UBAP2: variants seen among roughly 807,000 people sequenced by gnomAD.
UBAP2 encodes ubiquitin associated protein 2.
UBAP2 carries 75 observed loss-of-function variants against 139.6 expected under a neutral mutation model. The ratio of observed to expected loss-of-function variants is 0.54; its 90% CI spans 0.45 to 0.65. UBAP2 has a LOEUF of 0.65. Ranked by LOEUF, UBAP2 falls within the 30% of genes least tolerant of loss-of-function variation. The probability of loss-of-function intolerance (pLI) is 0.00; values close to 1 mark genes in which losing one functional copy is unlikely to be tolerated. For synonymous variants in UBAP2, 526 were observed against 526.2 expected (o/e 1.00, Z 0.01); for missense variants, 1,368 against 1,369.6 (o/e 1.00, Z 0.02).
At chr9:33,982,825 G>T (rs777339440) in intron 6 of UBAP2, among the ~76,000 whole-genome samples, 15 of 151,408 alleles carry the variant, frequency 9.9e-5, no homozygotes, top group Admixed American at 5.9e-4. Flanking sequence ...CATCCTAACA[G>T]ATACTCAATC....
At position 33,969,921 on chromosome 9, in the gene UBAP2, CTTTTTTTTT is replaced by C. The variant is rs1173625005; in HGVS notation, c.679+1721_679+1729del. Among the ~76,000 whole-genome samples the C allele has an allele frequency of 1.9e-4, 9 of 46,182 alleles. No individual in the cohort carries two copies. The South Asian group carries it at 4.7e-3, about 24-fold the overall frequency. The allele number at this position is 46,182 out of a possible 152,430, so 30.3% of individuals were successfully genotyped here. On this transcript the variant is annotated intron_variant, in intron 8 of 28. Coordinates refer to ENST00000379238, the MANE Select transcript of UBAP2 (RefSeq NM_001370062.2). ...GCAAACTTAAATACCGTGTATAATTCTTTTTTTTTTTTTTTTTTTTTTTTTTGAGACAGA... is the reference window on the plus strand; with the variant it reads ...GCAAACTTAAATACCGTGTATAATTCTTTTTTTTTTTTTTTTTGAGACAGA...
intron 1 of UBAP2, among the ~76,000 whole-genome samples, chr9:34,029,629 A>C (rs1371381849): frequency 6.6e-6 from 1 of 152,034 alleles, no homozygotes; most frequent in Non-Finnish European, 1.5e-5. Context: ...TGGGCTCAGG[A>C]GTTCGAGACC....
At chr9:34,041,420 G>A (rs1157247803) in intron 1 of UBAP2, among the ~76,000 whole-genome samples, 3 of 133,012 alleles carry the variant, frequency 2.3e-5, no homozygotes, top group East Asian at 2.2e-4. Context: ...AGCCAAGATC[G>A]CACCATTGCA....
At chr9:33,958,163 T>C (rs754924152) in intron 10 of UBAP2, among the ~76,000 whole-genome samples, 2 of 152,120 alleles carry the variant, frequency 1.3e-5, no homozygotes, top group Non-Finnish European at 2.9e-5. Context: ...GGCCTCCCTA[T>C]GTTGCCCAGG....
chr9:34,015,595 G>T lies in UBAP2; in HGVS notation c.99+1455C>A, dbSNP rs572723855. 4.8e-4 allele frequency among the ~76,000 whole-genome samples: 73 copies of T among 152,176 alleles called. 1 individual carries two copies. The South Asian group carries it at 0.014, about 30-fold the overall frequency. ...GTCCACCTCGGCCTCCCAAAGTGCT[G>T]GAATTACAGGCATGAGCCACTGCGC... On this transcript the variant is annotated intron_variant, in intron 2 of 28. Coordinates refer to ENST00000379238, the MANE Select transcript of UBAP2 (RefSeq NM_001370062.2).
intron 8 of UBAP2, 51 bp from the exon 9 acceptor site, chr9:33,963,842 T>G: frequency 1.5e-3 from 1,492 of 1,027,086 alleles, no homozygotes; most frequent in Non-Finnish European, 2.1e-3. Flanking sequence ...AGAATGAAAG[T>G]ATTCATCACA....
At chr9:34,039,329 G>A (rs940729259) in intron 1 of UBAP2, among the ~76,000 whole-genome samples, 14 of 152,142 alleles carry the variant, frequency 9.2e-5, no homozygotes, top group African/African-American at 3.1e-4. Flanking sequence ...CCCTCTGCCC[G>A]GCCGCCACCT....
chr9:34,015,222 C>G (rs192108601), intron 2 of UBAP2, among the ~76,000 whole-genome samples: 1 of 152,224 alleles, frequency 6.6e-6, no homozygotes, highest in Non-Finnish European at 1.5e-5. Flanking sequence ...TAATTTTGCA[C>G]CAGGTACTGT....
Position 34,003,839 on chromosome 9 carries a change from C to G in UBAP2, c.100-4975G>C, listed in dbSNP as rs572286683. 8.5e-5 allele frequency among the ~76,000 whole-genome samples: 13 copies of G among 152,288 alleles called. No homozygotes were observed. In the South Asian group the frequency reaches 2.7e-3, roughly 32 times the overall value. ...GGTTGAAGCAATTCTAGTGTCTCAG[C>G]CTCTTGAGTAGCTGGGATTACAGGC... is the stretch of plus-strand genomic sequence containing the variant. On this transcript the variant is annotated intron_variant, in intron 2 of 28. Coordinates refer to ENST00000379238, the MANE Select transcript of UBAP2 (RefSeq NM_001370062.2).
intron 1 of UBAP2, among the ~76,000 whole-genome samples, chr9:34,034,243 A>T (rs1257266669): frequency 6.6e-6 from 1 of 152,176 alleles, no homozygotes; most frequent in African/African-American, 2.4e-5. Flanking sequence ...CTAAAATATA[A>T]ATACTGATTT....
intron 6 of UBAP2, among the ~76,000 whole-genome samples, chr9:33,982,552 T>C (rs1235791415): frequency 6.6e-6 from 1 of 152,236 alleles, no homozygotes; most frequent in African/African-American, 2.4e-5. Context: ...ATGTTTTTGA[T>C]TGTTTGCATT....
intron 2 of UBAP2, 140 bp downstream of exon 2, chr9:34,016,909 GA>G (rs1473222476): frequency 2.3e-5 from 15 of 644,416 alleles, no homozygotes; most frequent in Admixed American, 1.4e-4. Context: ...TCCTACAAAG[GA>G]AAACATTAAA....
intron 24 of UBAP2, 22 bp from the exon 25 acceptor site, chr9:33,923,500 G>A: frequency 1.2e-6 from 2 of 1,611,546 alleles, no homozygotes; most frequent in East Asian, 2.2e-5. Context: ...AGCAGATGAG[G>A]TATTAGTGTA....
At chr9:33,946,580 C>A (rs969912152) in intron 13 of UBAP2, among the ~76,000 whole-genome samples, 1 of 152,128 alleles carries the variant, frequency 6.6e-6, no homozygotes. Context: ...AATATTTTAG[C>A]CTTTGTGTCT....
chr9:33,954,267 T>TGC (rs1826351662), intron 11 of UBAP2, among the ~76,000 whole-genome samples: 1 of 101,624 alleles, frequency 9.8e-6, no homozygotes, highest in Non-Finnish European at 2.1e-5. Context: ...AGTGTGTGTA[T>TGC]ATACACACAC....
chr9:33,994,654 T>C (rs1375004284), intron 4 of UBAP2: 2 of 149,112 alleles, frequency 1.3e-5, no homozygotes, highest in East Asian at 1.9e-4. Flanking sequence ...ATTTATCATA[T>C]AATATGGTTT....
intron 2 of UBAP2, 61 bp downstream of exon 2, chr9:34,016,989 T>G: frequency 8.2e-7 from 1 of 1,219,898 alleles, no homozygotes; most frequent in Non-Finnish European, 1.1e-6. Flanking sequence ...CCCTAAAACT[T>G]CAAGTATAAT....
At chr9:33,969,703 A>G (rs1827757371) in intron 8 of UBAP2, among the ~76,000 whole-genome samples, 1 of 151,650 alleles carries the variant, frequency 6.6e-6, no homozygotes, top group Non-Finnish European at 1.5e-5. Flanking sequence ...CCTGCCACTA[A>G]AAATACGAAA....
intron 1 of UBAP2, among the ~76,000 whole-genome samples, chr9:34,018,524 A>C (rs1824599412): frequency 6.6e-6 from 1 of 152,104 alleles, no homozygotes; most frequent in Non-Finnish European, 1.5e-5. Context: ...CCAAAAACAA[A>C]TCTCAAAGCA....
Sources: gnomAD v4.1 joint callset for allele counts (sites outside exome capture counted in the v4.1 genomes callset) on GRCh38, gnomAD v4.1.1 for gene constraint, MANE v1.5 for transcripts, NCBI Gene and HGNC (gene_info 2026-07-23, HGNC 2026-07-21) for gene names.